The following MDM2 variants were observed in gnomAD, a reference collection of about 807,000 sequenced individuals.
MDM2 encodes the protein E3 ubiquitin-protein ligase Mdm2.
MDM2 carries 11 observed loss-of-function variants against 64.3 expected under a neutral mutation model. The observed-to-expected ratio is 0.17, with a 90% confidence interval of 0.11 to 0.28. The LOEUF (loss-of-function observed/expected upper bound fraction) is 0.28. Ranked by LOEUF, MDM2 falls within the 10% of genes least tolerant of loss-of-function variation. MDM2 has a pLI of 1.00. For synonymous variants in MDM2, 194 were observed against 192.9 expected (o/e 1.01, Z -0.05); for missense variants, 388 against 577.1 (o/e 0.67, Z 3.36).
downstream of MDM2, chr12:68,848,683 C>G: frequency 6.6e-6 from 1 of 152,254 alleles, no homozygotes; most frequent in Non-Finnish European, 1.5e-5. Flanking sequence ...TAGGAGGCAT[C>G]TGAGAAGACC....
chr12:68,820,717 C>A (rs923226640), intron 5 of MDM2, among the ~76,000 whole-genome samples: 23 of 152,104 alleles, frequency 1.5e-4, no homozygotes, highest in African/African-American at 5.1e-4. Context: ...CTAGGTAGGA[C>A]CATGTGTAAG....
In MDM2 at chr12:68,842,257, T is replaced by C. The variant is rs1295748775; in HGVS notation, c.*2408T>C. On this transcript the variant is annotated 3_prime_UTR_variant, in exon 11 of 11. Transcript: ENST00000258149. The stretch of plus-strand genomic sequence containing the variant: ...AATGAACAAATTCAAGAAAAAGGAC[T>C]ACGGAAAGTTCAGGACATCAAAGAA... 3 of 496,888 alleles carry C rather than the reference T, an allele frequency of 6.0e-6. No homozygotes were observed. The highest frequency in any genetic ancestry group is 1.2e-5 in the Non-Finnish European group (3 of 251,496). The allele number at this position is 496,888 out of a possible 1,614,324, so 30.8% of individuals were successfully genotyped here.
In MDM2 at chr12:68,808,234, G is replaced by C. The variant is rs1387261345; in HGVS notation, c.-244G>C. The C allele has an allele frequency of 8.6e-6, 5 of 582,848 alleles. No homozygotes were observed. In the African/African-American group the frequency reaches 9.6e-5, roughly 11 times the overall value. The allele number at this position is 582,848 out of a possible 1,614,324, so 36.1% of individuals were successfully genotyped here. A position where few individuals can be genotyped will look rare whatever the true frequency, so the allele number is the denominator to read the frequency against. On this transcript the variant is annotated 5_prime_UTR_variant, in exon 1 of 11. Transcript: ENST00000258149. ...CTGCTTCTGGGGCCTGTGTGGCCCTGTGTGTCGGAAAGATGGAGCAAGAAG... is the reference window on the plus strand; with the variant it reads ...CTGCTTCTGGGGCCTGTGTGGCCCTCTGTGTCGGAAAGATGGAGCAAGAAG...
downstream of MDM2, chr12:68,848,154 TCATTAAA>T (rs940098030): frequency 1.3e-5 from 2 of 152,320 alleles, no homozygotes; most frequent in African/African-American, 4.8e-5. Context: ...AACAGTATGT[TCATTAAA>T]CATTAATCTC....
At chr12:68,835,174 G>A (rs1176613475) in intron 8 of MDM2, among the ~76,000 whole-genome samples, 2 of 152,108 alleles carry the variant, frequency 1.3e-5, no homozygotes, top group African/African-American at 4.8e-5. Flanking sequence ...ATTCAGATGA[G>A]AAACATGCCT....
intron 5 of MDM2, among the ~76,000 whole-genome samples, chr12:68,821,342 G>A (rs141823058): frequency 1.3e-5 from 2 of 152,036 alleles, no homozygotes; most frequent in African/African-American, 4.8e-5. Flanking sequence ...CACTGCACCC[G>A]GTCTCACAGT....
At chr12:68,810,987 T>C (rs1358011160) in intron 2 of MDM2, among the ~76,000 whole-genome samples, 1 of 152,178 alleles carries the variant, frequency 6.6e-6, no homozygotes, top group African/African-American at 2.4e-5. Context: ...TGCCTCAGCC[T>C]CTGGAGTAGC....
chr12:68,813,568 A>G lies in MDM2; in HGVS notation c.114A>G (p.Pro38=). ...SEQETLVRPK[P]LLLKLLKSVG... ...TCTCTTTATAGGTTAGACCAAAGCC[A>G]TTGCTTTTGAAGTTATTAAAGTCTG... Residue 38 remains proline (P), a synonymous_variant, in exon 3 of 11, where the codon CCA becomes CCG. Coordinates refer to ENST00000258149, the MANE Select transcript of MDM2 (RefSeq NM_002392.6). 2 of 1,613,362 alleles carry G rather than the reference A, an allele frequency of 1.2e-6. No individual in the cohort carries two copies. Among genetic ancestry groups the G allele is most frequent in the South Asian group, 2.2e-5 (2 of 91,030 alleles).
chr12:68,817,218 A>G (rs1881457889), intron 4 of MDM2, among the ~76,000 whole-genome samples: 1 of 152,210 alleles, frequency 6.6e-6, no homozygotes, highest in African/African-American at 2.4e-5. Context: ...AATAGGGATA[A>G]TTAAATACTT....
rs773662223 is a variant in MDM2, at chr12:68,808,496, T to G, written c.14+5T>G. On this transcript the variant is annotated splice_donor_5th_base_variant and intron_variant, in intron 1 of 10. Transcript: ENST00000258149. ...ACCCCGGATGGTGAGGAGCAGGTAC[T>G]GGCCCGGCAGCGAGCGGTCACTTTT... 1.9e-6 allele frequency: 3 copies of G among 1,614,130 alleles called. No individual in the cohort carries two copies. The highest frequency in any genetic ancestry group is 2.5e-6 in the Non-Finnish European group (3 of 1,179,986).
At chr12:68,810,137 A>G (rs966523354) in intron 2 of MDM2, among the ~76,000 whole-genome samples, 1 of 151,828 alleles carries the variant, frequency 6.6e-6, no homozygotes, top group Non-Finnish European at 1.5e-5. Context: ...CATGGTGAAA[A>G]CCTGTCTCTA....
chr12:68,833,975 G>A (rs1241064033), intron 8 of MDM2, among the ~76,000 whole-genome samples: 1 of 152,138 alleles, frequency 6.6e-6, no homozygotes, highest in Non-Finnish European at 1.5e-5. Flanking sequence ...AATTTGAGCT[G>A]CAACTTGATG....
intron 4 of MDM2, among the ~76,000 whole-genome samples, chr12:68,819,406 G>T (rs527771891): frequency 6.6e-6 from 1 of 152,272 alleles, no homozygotes; most frequent in Admixed American, 6.5e-5. Flanking sequence ...CCCGTGTCTG[G>T]TACATAGTAC....
At position 68,843,621 on chromosome 12, in the gene MDM2, A is replaced by G. The variant is rs113989776; in HGVS notation, c.*3772A>G. The stretch of plus-strand genomic sequence containing the variant: ...ATACTTAGGTGAAGACAATAAAATC[A>G]ACTGAACTGTAAGCTTAGAATAGGA... On this transcript the variant is annotated 3_prime_UTR_variant, in exon 11 of 11. Transcript: ENST00000258149. 3,210 of 226,450 alleles carry G rather than the reference A, an allele frequency of 0.014. 116 individuals are homozygous for G. The highest frequency in any genetic ancestry group is 0.067 in the African/African-American group (3,002 of 44,976). The allele number at this position is 226,450 out of a possible 1,614,324, so 14.0% of individuals were successfully genotyped here. A position where few individuals can be genotyped will look rare whatever the true frequency, so the allele number is the denominator to read the frequency against.
chr12:68,822,913 G>T (rs929718008), intron 5 of MDM2, among the ~76,000 whole-genome samples: 2 of 151,950 alleles, frequency 1.3e-5, no homozygotes, highest in African/African-American at 4.8e-5. Context: ...GTTAATTTTT[G>T]TATTTTTAGT....
rs1297810469 is a variant in MDM2 at position 68,808,220 on chromosome 12, GC to G, written c.-256del. 1.8e-6 allele frequency: 1 copy of G among 545,712 alleles called. No individual in the cohort carries two copies. The highest frequency in any genetic ancestry group is 3.2e-6 in the Non-Finnish European group (1 of 310,288). The allele number at this position is 545,712 out of a possible 1,614,324, so 33.8% of individuals were successfully genotyped here. On this transcript the variant is annotated 5_prime_UTR_variant, in exon 1 of 11. Coordinates refer to ENST00000258149, the MANE Select transcript of MDM2 (RefSeq NM_002392.6). ...CGCGGCGAGCTTGGCTGCTTCTGGGGCCTGTGTGGCCCTGTGTGTCGGAAAG... is the reference window on the plus strand; with the variant it reads ...CGCGGCGAGCTTGGCTGCTTCTGGGGCTGTGTGGCCCTGTGTGTCGGAAAG...
At chr12:68,815,700 C>A in intron 3 of MDM2, 1 of 398,636 alleles carries the variant, frequency 2.5e-6, no homozygotes, top group Non-Finnish European at 5.1e-6. Flanking sequence ...ACCTCGGCCT[C>A]CTAAAGTGCT....
chr12:68,846,948 A>C (rs1258835951), downstream of MDM2: 3 of 151,620 alleles, frequency 2.0e-5, no homozygotes, highest in Admixed American at 2.0e-4. Context: ...AATCCAGCTT[A>C]GGTAGCCTTG....
chr12:68,826,425 G>A (rs1882324244), intron 7 of MDM2, among the ~76,000 whole-genome samples: 1 of 151,962 alleles, frequency 6.6e-6, no homozygotes, highest in African/African-American at 2.4e-5. Context: ...GAAGCGGGTG[G>A]ATCTCTTGAG....
Sources: gnomAD v4.1 joint callset for allele counts (sites outside exome capture counted in the v4.1 genomes callset) on GRCh38, gnomAD v4.1.1 for gene constraint, MANE v1.5 for transcripts, NCBI Gene and HGNC (gene_info 2026-07-23, HGNC 2026-07-21) for gene names.